The following SNAPC4 variants were observed in gnomAD, a reference collection of about 807,000 sequenced individuals.
The protein encoded by SNAPC4 is snRNA-activating protein complex subunit 4.
In SNAPC4, 127 loss-of-function variants were observed where a neutral mutation model predicts 151.3. That is an observed-to-expected ratio of 0.84 (90% CI 0.73 to 0.97). The LOEUF is 0.97. SNAPC4 is among the 50% of genes least tolerant of loss of function. The probability of loss-of-function intolerance (pLI) is 0.00; values close to 1 mark genes in which losing one functional copy is unlikely to be tolerated. For synonymous variants in SNAPC4, 1,002 were observed against 824.4 expected (o/e 1.22, Z -3.69); for missense variants, 2,186 against 1,935.0 (o/e 1.13, Z -2.43).
At chr9:136,395,254 C>A (rs371819871) in intron 5 of SNAPC4, 44 bp downstream of exon 5, 3 of 1,587,458 alleles carry the variant, frequency 1.9e-6, no homozygotes, top group African/African-American at 1.3e-5. Flanking sequence ...ACCCTTCCCA[C>A]GGTGCAGAGC....
At chr9:136,381,513 T>G (rs1588744052) in intron 18 of SNAPC4, 121 bp from the exon 19 acceptor site, 1 of 920,660 alleles carries the variant, frequency 1.1e-6, no homozygotes, top group Non-Finnish European at 1.7e-6. Flanking sequence ...CAGGCCAGGG[T>G]GGGAGGGGAG....
intron 9 of SNAPC4, 111 bp downstream of exon 9, chr9:136,392,411 C>T: frequency 9.0e-7 from 1 of 1,116,188 alleles, no homozygotes; most frequent in Admixed American, 1.7e-5. Flanking sequence ...GGGGTCACAG[C>T]AGAACCTGTT....
chr9:136,380,875 A>C, intron 19 of SNAPC4, 25 bp from the exon 20 acceptor site: 1 of 1,385,104 alleles, frequency 7.2e-7, no homozygotes, highest in Non-Finnish European at 1.0e-6. Context: ...AGGCAACCTA[A>C]CCATAGCTGC....
In SNAPC4 at chr9:136,383,461, C is replaced by T; in HGVS notation, c.1708G>A (p.Asp570Asn). 1 of 1,562,474 alleles carries T rather than the reference C, an allele frequency of 6.4e-7. No individual in the cohort carries two copies. Among genetic ancestry groups the T allele is most frequent in the South Asian group, 1.2e-5 (1 of 86,044 alleles). ...CTCTGCCTGGCAGGAACCCACAGGT[C>T]CATGTCCGGGACCATGTACTGTGGG... ...LSPQYMVPDM[D>N]LWVPARQSTS... is the part of the protein sequence containing the mutation. The change falls in exon 16 of 24, where the codon GAC (aspartate) becomes AAC (asparagine). Residue 570 changes from aspartate (D) to asparagine (N), a missense_variant. By Grantham distance (23) the Asp-to-Asn change is conservative. Coordinates refer to ENST00000684778, the MANE Select transcript of SNAPC4 (RefSeq NM_003086.4). This position sits in a 1 kb window ranked among gnomAD's most constrained non-coding sequence, Gnocchi z 4.2.
At chr9:136,379,789 AG>A (rs765795938) in intron 21 of SNAPC4, 47 bp downstream of exon 21, 1 of 1,592,994 alleles carries the variant, frequency 6.3e-7, no homozygotes, top group African/African-American at 1.3e-5. Context: ...CTTCCCCGCC[AG>A]GGCCAGGTTA....
intron 8 of SNAPC4, 26 bp from the exon 9 acceptor site, chr9:136,392,620 C>T: frequency 6.2e-7 from 1 of 1,613,700 alleles, no homozygotes; most frequent in Non-Finnish European, 8.5e-7. Flanking sequence ...AGGGTATTGG[C>T]ACCACGCCTG....
In SNAPC4 at chr9:136,391,886, T is replaced by C. The variant is rs555898906; in HGVS notation, c.975+56A>G. Reference sequence around the variant, plus strand: ...GCACCCGTCCAGCAGCCTCCCGCTATAGGGCCCACACGCCCTCAGGTCTCC... The same window carrying C: ...GCACCCGTCCAGCAGCCTCCCGCTACAGGGCCCACACGCCCTCAGGTCTCC... On this transcript the variant is annotated intron_variant, in intron 10 of 23. Transcript: ENST00000684778. 72 of 1,550,052 alleles carry C rather than the reference T, an allele frequency of 4.6e-5. 1 individual carries two copies. The South Asian group carries it at 7.2e-4, about 16-fold the overall frequency.
At position 136,377,614 on chromosome 9, in the gene SNAPC4, G is replaced by C. The variant is rs1047970964; in HGVS notation, c.4213C>G (p.Leu1405Val). Residue 1405 changes from leucine (L) to valine (V), a missense_variant, in exon 22 of 24, where the codon CTC becomes GTC. Physicochemically the swap from Leu to Val is conservative, Grantham distance 32 (BLOSUM62 1). Transcript: ENST00000684778. Reference sequence around the variant, plus strand: ...TCTGCAAGTTCCAGCTCACTCAGGAGGTCTTCATCCTCACTCTCAGAGCCC... The same window carrying C: ...TCTGCAAGTTCCAGCTCACTCAGGACGTCTTCATCCTCACTCTCAGAGCCC... ...RVGSESEDEDLLSELELADRD... is the reference protein window; with the variant it reads ...RVGSESEDEDVLSELELADRD... 3 of 1,559,072 alleles carry C rather than the reference G, an allele frequency of 1.9e-6. No homozygotes were observed. Among genetic ancestry groups the C allele is most frequent in the South Asian group, 2.4e-5 (2 of 85,068 alleles).
intron 23 of SNAPC4, 116 bp downstream of exon 23, chr9:136,376,233 C>T (rs1833439692): frequency 7.8e-7 from 1 of 1,290,146 alleles, no homozygotes; most frequent in Non-Finnish European, 1.1e-6. Context: ...GCCCACCTAA[C>T]CCAGCACACC....
rs1479185501 is a variant in SNAPC4 at position 136,383,046 on chromosome 9, T to C, written c.1983+140A>G. The C allele has an allele frequency of 3.0e-6, 4 of 1,345,434 alleles. No homozygotes were observed. The highest frequency in any genetic ancestry group is 3.9e-6 in the Non-Finnish European group (4 of 1,024,088). The allele number at this position is 1,345,434 out of a possible 1,614,324, so 83.3% of individuals were successfully genotyped here. A position where few individuals can be genotyped will look rare whatever the true frequency, so the allele number is the denominator to read the frequency against. On this transcript the variant is annotated intron_variant, in intron 16 of 23. Transcript: ENST00000684778. The surrounding 1 kb of genome is among the most constrained non-coding windows in gnomAD (Gnocchi z 4.2). ...CAACAGTCCCCCCGACGCACAGCTG[T>C]CCAGAGCTCAGCCAGAAGTAGCACG...
At position 136,378,576 on chromosome 9, in the gene SNAPC4, C is replaced by G. The variant is rs1186966103; in HGVS notation, c.3251G>C (p.Gly1084Ala). 3.1e-6 allele frequency: 5 copies of G among 1,588,944 alleles called. No homozygotes were observed. The highest frequency in any genetic ancestry group is 4.3e-6 in the Non-Finnish European group (5 of 1,170,730). The change falls in exon 22 of 24, where the codon GGG (glycine) becomes GCG (alanine). Residue 1084 changes from glycine to alanine, a missense_variant. By Grantham distance (60) the Gly-to-Ala change is moderately conservative. Coordinates refer to ENST00000684778, the MANE Select transcript of SNAPC4 (RefSeq NM_003086.4). The stretch of plus-strand genomic sequence containing the variant: ...AGCTGGTACAGGAACAGGGAGAAGC[C>G]CCTGGGCTGTGAGCACCCAGGTGAC... ...LPVTWVLTAQ[G>A]LLPVPVPAVV... is the part of the protein sequence containing the mutation.
In SNAPC4 at chr9:136,398,357, G is replaced by A. The variant is rs758982735; in HGVS notation, c.72C>T (p.Gly24=). 6.2e-7 allele frequency: 1 copy of A among 1,613,954 alleles called. No homozygotes were observed. Among genetic ancestry groups the A allele is most frequent in the Admixed American group, 1.7e-5 (1 of 60,016 alleles). ...IKELERILDP[G]SSGSHVEISE... ...AGATCTCCACGTGGGAGCCCGAGGA[G>A]CCGGGATCCAAAATCCTTTCCAGCT... Residue 24 remains glycine (G), a synonymous_variant, in exon 2 of 24, where the codon GGC becomes GGT. Coordinates refer to ENST00000684778, the MANE Select transcript of SNAPC4 (RefSeq NM_003086.4).
Position 136,377,919 on chromosome 9 carries a change from T to C in SNAPC4, c.3908A>G (p.Tyr1303Cys), listed in dbSNP as rs1178921708. 5 of 1,609,886 alleles carry C rather than the reference T, an allele frequency of 3.1e-6. No homozygotes were observed. Among genetic ancestry groups the C allele is most frequent in the African/African-American group, 1.3e-5 (1 of 74,806 alleles). Residue 1303 changes from tyrosine (Y) to cysteine (C), a missense_variant, in exon 22 of 24, where the codon TAT becomes TGT. Transcript: ENST00000684778. ...CAGGCTGCACAGGGCTGGGGGCTGATAGGGCAGTCTGCTGCCCAGAAGAGG... is the reference window on the plus strand; with the variant it reads ...CAGGCTGCACAGGGCTGGGGGCTGACAGGGCAGTCTGCTGCCCAGAAGAGG... ...RVPLLGSRLPYQPPALCSLRA... is the reference protein window; with the variant it reads ...RVPLLGSRLPCQPPALCSLRA...
At chr9:136,396,543 A>G (rs1000074094) in intron 3 of SNAPC4, among the ~76,000 whole-genome samples, 1 of 152,162 alleles carries the variant, frequency 6.6e-6, no homozygotes, top group Non-Finnish European at 1.5e-5. Context: ...CAGCCACCCA[A>G]GTAGCTGCGT....
chr9:136,389,781 G>A (rs899071563), intron 10 of SNAPC4, among the ~76,000 whole-genome samples: 1 of 152,180 alleles, frequency 6.6e-6, no homozygotes, highest in Non-Finnish European at 1.5e-5. Flanking sequence ...GCTGGGCCCT[G>A]CTCGGGTAGC....
Position 136,378,284 on chromosome 9 carries a change from G to C in SNAPC4, c.3543C>G (p.Ala1181=). The change falls in exon 22 of 24, where the codon GCC becomes GCG. Residue 1181 remains alanine (A), a synonymous_variant. Transcript: ENST00000684778. ...ACGTCCTGGGCTCAGGTATCTCCCT[G>C]GCCACCTGGGCCTCTCCAGGGACAA... is the stretch of plus-strand genomic sequence containing the variant. ...VAFVPGEAQV[A]REIPEPRTSS... is the part of the protein sequence containing the mutation. The C allele has an allele frequency of 6.2e-7, 1 of 1,604,726 alleles. No individual in the cohort carries two copies. The highest frequency in any genetic ancestry group is 8.5e-7 in the Non-Finnish European group (1 of 1,176,278).
At chr9:136,380,966 T>C (rs566811516) in intron 19 of SNAPC4, 116 bp from the exon 20 acceptor site, 19 of 639,760 alleles carry the variant, frequency 3.0e-5, no homozygotes, top group African/African-American at 2.3e-4. Context: ...CCTTGAGACC[T>C]CAGCCTTCCT....
chr9:136,389,004 T>C (rs1247861882), intron 10 of SNAPC4, among the ~76,000 whole-genome samples: 1 of 152,132 alleles, frequency 6.6e-6, no homozygotes, highest in South Asian at 2.1e-4. Context: ...TCTCGAGCTC[T>C]AGAGTATCTC....
chr9:136,381,743 G>A, intron 18 of SNAPC4, 81 bp downstream of exon 18: 2 of 1,512,218 alleles, frequency 1.3e-6, no homozygotes, highest in African/African-American at 1.4e-5. Context: ...TCCCCAAGTA[G>A]CCACCGTCTG....
Sources: allele counts gnomAD v4.1 joint callset (sites outside exome capture counted in the v4.1 genomes callset), GRCh38; gene constraint gnomAD v4.1.1; non-coding constraint Gnocchi (gnomAD v3.1); transcripts MANE v1.5; gene names NCBI Gene and HGNC (gene_info 2026-07-23, HGNC 2026-07-21).